Variants in ITGA9 observed in about 807,000 individuals in gnomAD.
ITGA9 encodes the protein integrin alpha-9.
Under a neutral mutation model 127.8 loss-of-function variants are expected in ITGA9, and 56 were observed. The ratio of observed to expected loss-of-function variants is 0.44; its 90% CI spans 0.35 to 0.55. ITGA9 has a LOEUF of 0.55. ITGA9 is among the 20% of genes least tolerant of loss of function. The probability of loss-of-function intolerance (pLI) is 0.00; values close to 1 mark genes in which losing one functional copy is unlikely to be tolerated. For missense variants in ITGA9, 1,196 were observed against 1,347.1 expected (o/e 0.89, Z 1.76); for synonymous variants, 508 against 514.5 (o/e 0.99, Z 0.17).
chr3:37,744,317 A>T (rs1575217325), intron 22 of ITGA9, among the ~76,000 whole-genome samples: 1 of 152,154 alleles, frequency 6.6e-6, no homozygotes, highest in African/African-American at 2.4e-5. Flanking sequence ...GCCTCAGCCA[A>T]TGTCCCAGCC....
chr3:37,753,370 T>C (rs1473305548), intron 23 of ITGA9, among the ~76,000 whole-genome samples: 1 of 152,190 alleles, frequency 6.6e-6, no homozygotes, highest in African/African-American at 2.4e-5. Flanking sequence ...AATGCAATAA[T>C]GGAGGCATGC....
At chr3:37,679,015 T>C (rs1209649326) in intron 17 of ITGA9, among the ~76,000 whole-genome samples, 11 of 152,218 alleles carry the variant, frequency 7.2e-5, no homozygotes, top group Admixed American at 7.2e-4. Context: ...CTATAAGATA[T>C]ACTTGGGTAG....
intron 16 of ITGA9, among the ~76,000 whole-genome samples, chr3:37,636,745 C>G (rs1442886607): frequency 4.6e-5 from 7 of 152,092 alleles, no homozygotes; most frequent in Non-Finnish European, 1.0e-4. Flanking sequence ...AGGTTTTCTT[C>G]TAGGGTTTTT....
chr3:37,813,390 A>G (rs1214108738), intron 27 of ITGA9, among the ~76,000 whole-genome samples: 11 of 152,172 alleles, frequency 7.2e-5, no homozygotes, highest in African/African-American at 2.7e-4. Flanking sequence ...TTTAGTCTTT[A>G]GTTTTTATAT....
At chr3:37,498,209 A>C (rs562655925) in intron 5 of ITGA9, among the ~76,000 whole-genome samples, 1 of 152,238 alleles carries the variant, frequency 6.6e-6, no homozygotes, top group Admixed American at 6.5e-5. Flanking sequence ...GGACGTTTGG[A>C]CTTAGGGACT....
intron 15 of ITGA9, among the ~76,000 whole-genome samples, chr3:37,591,660 C>T (rs1056505763): frequency 1.3e-5 from 2 of 152,244 alleles, no homozygotes; most frequent in African/African-American, 4.8e-5. Flanking sequence ...TTCCTATCAG[C>T]CTGTCTGTGG....
At chr3:37,577,995 A>G (rs2125608203) in intron 15 of ITGA9, among the ~76,000 whole-genome samples, 1 of 152,330 alleles carries the variant, frequency 6.6e-6, no homozygotes, top group African/African-American at 2.4e-5. Context: ...TTAAAAAATA[A>G]TGTAGTTTTA....
chr3:37,592,821 C>CAG, intron 15 of ITGA9, among the ~76,000 whole-genome samples: 1 of 152,226 alleles, frequency 6.6e-6, no homozygotes, highest in African/African-American at 2.4e-5. Context: ...AAGTGCCCAG[C>CAG]AGGGGTGGGT....
At chr3:37,701,245 C>G (rs1205176407) in intron 18 of ITGA9, among the ~76,000 whole-genome samples, 1 of 152,208 alleles carries the variant, frequency 6.6e-6, no homozygotes, top group East Asian at 1.9e-4. Flanking sequence ...GAAATAATCT[C>G]TGCTATGGGC....
chr3:37,629,582 C>G lies in ITGA9; in HGVS notation c.1839+246C>G. 1.6e-6 allele frequency: 1 copy of G among 618,028 alleles called. No homozygotes were observed. Among genetic ancestry groups the G allele is most frequent in the East Asian group, 2.7e-5 (1 of 36,632 alleles). 38.3% of individuals were successfully genotyped at this position (618,028 alleles called of 1,614,324 possible). ...TTCTCAGGCTGTTAGAAGTTACAAT[C>G]CCCTCGAGTTCGTGAACTGGCTGGC... On this transcript the variant is annotated intron_variant, in intron 16 of 27. Coordinates refer to ENST00000264741, the MANE Select transcript of ITGA9 (RefSeq NM_002207.3). This position sits in a 1 kb window ranked among gnomAD's most constrained non-coding sequence, Gnocchi z 4.5.
chr3:37,771,055 A>G (rs1696836176), intron 23 of ITGA9, among the ~76,000 whole-genome samples: 1 of 152,132 alleles, frequency 6.6e-6, no homozygotes, highest in Non-Finnish European at 1.5e-5. Flanking sequence ...TCAAATTCTA[A>G]TAGCCATGGA....
rs556791414 is a variant in ITGA9, at chr3:37,487,224, TA to T, written c.544+5620del. ...TTTTATGGTTTCCAAGGAGCTTTAA[TA>T]AACATATCTTATTTAAATAAATAGA... On this transcript the variant is annotated intron_variant, in intron 4 of 27. Coordinates refer to ENST00000264741, the MANE Select transcript of ITGA9 (RefSeq NM_002207.3). Among the ~76,000 whole-genome samples, 24 of 146,230 alleles carry T rather than the reference TA, an allele frequency of 1.6e-4. No homozygotes were observed. In the East Asian group the frequency reaches 4.7e-3, roughly 29 times the overall value.
intron 14 of ITGA9, among the ~76,000 whole-genome samples, chr3:37,539,014 G>A (rs149847343): frequency 1.3e-5 from 2 of 152,304 alleles, no homozygotes; most frequent in Admixed American, 6.5e-5. Flanking sequence ...CACACACCCC[G>A]CTGGAGAGGA....
At chr3:37,628,024 T>C (rs1421125403) in intron 15 of ITGA9, among the ~76,000 whole-genome samples, 2 of 152,118 alleles carry the variant, frequency 1.3e-5, no homozygotes, top group African/African-American at 2.4e-5. Context: ...CCTCTACTTC[T>C]TTGAACACAG....
rs184791978 is a variant in ITGA9, at chr3:37,665,180, G to T, written c.1916+11390G>T. Among the ~76,000 whole-genome samples the T allele has an allele frequency of 5.5e-4, 83 of 151,736 alleles. 1 individual carries two copies. Among genetic ancestry groups the T allele is most frequent in the African/African-American group, 2.0e-3 (82 of 41,348 alleles). ...AGTAGAGATGGGGTTTCACCATGTT[G>T]TCCAGGCTAGTCTCGAACTCCTGAC... On this transcript the variant is annotated intron_variant, in intron 17 of 27. Coordinates refer to ENST00000264741, the MANE Select transcript of ITGA9 (RefSeq NM_002207.3).
In ITGA9 at chr3:37,471,070, T is replaced by G. The variant is rs1698425737; in HGVS notation, c.249T>G (p.Ala83=). ...GCCCTTCAGTGAAGTCTCCTGGGGC[T>G]GTGTTTAAGTGCCGTGTTCACACCA... ...KYSPSVKSPG[A]VFKCRVHTNP... The change falls in exon 2 of 28, where the codon GCT becomes GCG. Residue 83 remains alanine (A), a synonymous_variant. Transcript: ENST00000264741. The G allele has an allele frequency of 6.2e-7, 1 of 1,614,034 alleles. No homozygotes were observed. Among genetic ancestry groups the G allele is most frequent in the Admixed American group, 1.7e-5 (1 of 60,000 alleles).
rs1302984447 is a variant in ITGA9 at position 37,814,767 on chromosome 3, A to T, written c.3010-4124A>T. 6.6e-6 allele frequency among the ~76,000 whole-genome samples: 1 copy of T among 152,186 alleles called. No homozygotes were observed. The highest frequency in any genetic ancestry group is 2.4e-5 in the African/African-American group (1 of 41,458). On this transcript the variant is annotated intron_variant, in intron 27 of 27. Coordinates refer to ENST00000264741, the MANE Select transcript of ITGA9 (RefSeq NM_002207.3). This position sits in a 1 kb window ranked among gnomAD's most constrained non-coding sequence, Gnocchi z 4.3. ...GTTGGAAAACAGTTATAATAAACTT[A>T]TACACATACATGATATCTGTGATGT...
At chr3:37,576,569 A>C (rs1699655879) in intron 15 of ITGA9, among the ~76,000 whole-genome samples, 1 of 152,152 alleles carries the variant, frequency 6.6e-6, no homozygotes, top group African/African-American at 2.4e-5. Flanking sequence ...GGAGCATGAC[A>C]GGCATGCTGT....
intron 1 of ITGA9, among the ~76,000 whole-genome samples, chr3:37,456,248 G>A (rs551005173): frequency 2.6e-5 from 4 of 152,284 alleles, no homozygotes; most frequent in African/African-American, 7.2e-5. Context: ...ATACAAACAT[G>A]CAAGGGACTC....
Sources: gnomAD v4.1 joint callset for allele counts (sites outside exome capture counted in the v4.1 genomes callset) on GRCh38, gnomAD v4.1.1 for gene constraint, Gnocchi (gnomAD v3.1) non-coding constraint, MANE v1.5 for transcripts, NCBI Gene and HGNC (gene_info 2026-07-23, HGNC 2026-07-21) for gene names.